Variants in NOS1 observed in about 807,000 individuals in gnomAD.
The protein encoded by NOS1 is NOS type I.
Under a neutral mutation model 164.5 loss-of-function variants are expected in NOS1, and 51 were observed. The ratio of observed to expected loss-of-function variants is 0.31; its 90% confidence interval spans 0.25 to 0.39. The LOEUF is 0.39. NOS1 is among the 10% of genes least tolerant of loss of function. The pLI is 1.00. For missense variants in NOS1, 1,362 were observed against 1,885.6 expected (o/e 0.72, Z 5.14); for synonymous variants, 719 against 745.8 (o/e 0.96, Z 0.59).
At position 117,214,476 on chromosome 12, in the gene NOS1, G is replaced by A; in HGVS notation, c.*833C>T. ...TCAAGTGATTCTAGCTGGTATGGGT[G>A]GGTTTGGGGAGGGGATTTGCACAAT... On this transcript the variant is annotated 3_prime_UTR_variant, in exon 29 of 29. Coordinates refer to ENST00000317775, the MANE Select transcript of NOS1 (RefSeq NM_000620.5). The A allele has an allele frequency of 1.0e-6, 1 of 985,322 alleles. No individual in the cohort carries two copies. The highest frequency in any genetic ancestry group is 1.2e-6 in the Non-Finnish European group (1 of 829,910). 61.0% of individuals were successfully genotyped at this position (985,322 alleles called of 1,614,324 possible). A position where few individuals can be genotyped will look rare whatever the true frequency, so the allele number is the denominator to read the frequency against.
At chr12:117,314,895 C>G (rs1308781978) in intron 2 of NOS1, among the ~76,000 whole-genome samples, 1 of 152,180 alleles carries the variant, frequency 6.6e-6, no homozygotes, top group Non-Finnish European at 1.5e-5. Flanking sequence ...GAGATCCTTC[C>G]TTTTTTAAAA....
chr12:117,353,919 G>A (rs1034987944), intron 1 of NOS1, among the ~76,000 whole-genome samples: 1 of 152,162 alleles, frequency 6.6e-6, no homozygotes, highest in African/African-American at 2.4e-5. Context: ...GGGCAACATG[G>A]TGAGAATCCA....
At chr12:117,269,224 A>G (rs1322558387) in intron 10 of NOS1, among the ~76,000 whole-genome samples, 1 of 152,156 alleles carries the variant, frequency 6.6e-6, no homozygotes, top group Non-Finnish European at 1.5e-5. Context: ...ATATTCGCAG[A>G]TCTGGGGAGA....
intron 1 of NOS1, among the ~76,000 whole-genome samples, chr12:117,353,961 A>G (rs1374156064): frequency 6.6e-6 from 1 of 152,166 alleles, no homozygotes; most frequent in Non-Finnish European, 1.5e-5. Flanking sequence ...ACAACAATGA[A>G]AAAACCAATG....
Position 117,330,469 on chromosome 12 carries a change from C to T in NOS1, c.601G>A (p.Glu201Lys). 1 of 1,614,206 alleles carries T rather than the reference C, an allele frequency of 6.2e-7. No homozygotes were observed. Among genetic ancestry groups the T allele is most frequent in the Non-Finnish European group, 8.5e-7 (1 of 1,180,036 alleles). Residue 201 changes from glutamate to lysine, a missense_variant, in exon 2 of 29, where the codon GAG (glutamate) becomes AAG (lysine). By Grantham distance (56) the Glu-to-Lys change is moderately conservative (BLOSUM62 1). Transcript: ENST00000317775. This position sits in a 1 kb window ranked among gnomAD's most constrained non-coding sequence, Gnocchi z 4.6. Reference sequence around the variant, plus strand: ...ATCTCCTTGAGCAGTTCATTGTTCTCCCCTCTGCCTTGGAGGCTGACTCTG... The same window carrying T: ...ATCTCCTTGAGCAGTTCATTGTTCTTCCCTCTGCCTTGGAGGCTGACTCTG... ...ATRVSLQGRG[E>K]NNELLKEIEP...
At chr12:117,273,232 T>C (rs1171463254) in intron 9 of NOS1, among the ~76,000 whole-genome samples, 1 of 152,164 alleles carries the variant, frequency 6.6e-6, no homozygotes, top group Non-Finnish European at 1.5e-5. Context: ...CTTGAGATCA[T>C]AAGCACCGTG....
Position 117,208,152 on chromosome 12 carries a change from T to G in NOS1, c.*7157A>C. On this transcript the variant is annotated 3_prime_UTR_variant, in exon 29 of 29. Coordinates refer to ENST00000317775, the MANE Select transcript of NOS1 (RefSeq NM_000620.5). Reference sequence around the variant, plus strand: ...CAGCAGCCAGCCAAGTTGAATCCACTTTTTAATATTGTAACCATAATGCAA... The same window carrying G: ...CAGCAGCCAGCCAAGTTGAATCCACGTTTTAATATTGTAACCATAATGCAA... 1.3e-6 allele frequency: 1 copy of G among 782,826 alleles called. No homozygotes were observed. The highest frequency in any genetic ancestry group is 1.8e-6 in the Non-Finnish European group (1 of 571,130). The allele number at this position is 782,826 out of a possible 1,614,324, so 48.5% of individuals were successfully genotyped here.
rs964837246 is a variant in NOS1 at position 117,312,364 on chromosome 12, T to C, written c.726-772A>G. Among the ~76,000 whole-genome samples the C allele has an allele frequency of 2.0e-5, 3 of 152,186 alleles. No homozygotes were observed. The South Asian group carries it at 6.2e-4, about 32-fold the overall frequency. On this transcript the variant is annotated intron_variant, in intron 2 of 28. Coordinates refer to ENST00000317775, the MANE Select transcript of NOS1 (RefSeq NM_000620.5). ...GATTACAGGCGTGAGCCACCATGCCTGGCCATGTGTTTTAGTGCATTTAAC... is the reference window on the plus strand; with the variant it reads ...GATTACAGGCGTGAGCCACCATGCCCGGCCATGTGTTTTAGTGCATTTAAC...
chr12:117,283,308 C>A (rs1219554224), intron 7 of NOS1, among the ~76,000 whole-genome samples: 1 of 152,152 alleles, frequency 6.6e-6, no homozygotes, highest in Non-Finnish European at 1.5e-5. Context: ...GTGATCCATT[C>A]ACCTTGGCCT....
Position 117,268,082 on chromosome 12 carries a change from C to T in NOS1, c.1902G>A (p.Ala634=), listed in dbSNP as rs750444386. Residue 634 remains alanine (A), a synonymous_variant, in exon 11 of 29, where the codon GCG becomes GCA. Transcript: ENST00000317775. ...RKTSSLWKDQ[A]LVEINIAVLY... ...GAACCGCGATATTGATCTCCACCAGCGCCTGGTCCTTCCACAGGGAGGACG... is the reference window on the plus strand; with the variant it reads ...GAACCGCGATATTGATCTCCACCAGTGCCTGGTCCTTCCACAGGGAGGACG... The T allele has an allele frequency of 1.2e-4, 201 of 1,613,942 alleles. No individual in the cohort carries two copies. The highest frequency in any genetic ancestry group is 3.3e-4 in the Middle Eastern group (2 of 6,076).
In NOS1 at chr12:117,266,180, T is replaced by A. The variant is rs140879157; in HGVS notation, c.1942-670A>T. 2.5e-3 allele frequency among the ~76,000 whole-genome samples: 377 copies of A among 152,102 alleles called. 3 individuals carry two copies. Among genetic ancestry groups the A allele is most frequent in the African/African-American group, 8.9e-3 (370 of 41,466 alleles). On this transcript the variant is annotated intron_variant, in intron 11 of 28. Transcript: ENST00000317775. ...GTGACATGAGTAAGTTCTTTAGTGG[T>A]GATTTGTGAGATTTTGGTGCACCCA...
rs529300718 is a variant in NOS1 at position 117,211,070 on chromosome 12, C to T, written c.*4239G>A. 1 of 607,824 alleles carries T rather than the reference C, an allele frequency of 1.6e-6. No individual in the cohort carries two copies. Among genetic ancestry groups the T allele is most frequent in the Admixed American group, 6.3e-5 (1 of 15,792 alleles). The allele number at this position is 607,824 out of a possible 1,614,324, so 37.7% of individuals were successfully genotyped here. On this transcript the variant is annotated 3_prime_UTR_variant, in exon 29 of 29. Transcript: ENST00000317775. ...CTCCTGGGCTCAAGCGATCCTCCTT[C>T]CTCAGCCTCCCAGGTAGCTGAGACT...
intron 25 of NOS1, among the ~76,000 whole-genome samples, chr12:117,223,513 G>C (rs947993266): frequency 4.8e-4 from 73 of 151,866 alleles, no homozygotes; most frequent in African/African-American, 1.6e-3. Flanking sequence ...GCCCGCCTTG[G>C]CCTCCCAAAG....
In NOS1 at chr12:117,220,063, C is replaced by A; in HGVS notation, c.4170+12G>T. ...TAGGAAAAGGGACCTGGGAAGTCAG[C>A]CTGTCACTCACCCTCATCCGGCTGA... On this transcript the variant is annotated intron_variant, in intron 27 of 28. Coordinates refer to ENST00000317775, the MANE Select transcript of NOS1 (RefSeq NM_000620.5). The A allele has an allele frequency of 6.3e-7, 1 of 1,593,310 alleles. No individual in the cohort carries two copies. The highest frequency in any genetic ancestry group is 8.6e-7 in the Non-Finnish European group (1 of 1,169,298).
At chr12:117,296,784 G>A (rs1429858517) in intron 3 of NOS1, among the ~76,000 whole-genome samples, 1 of 152,172 alleles carries the variant, frequency 6.6e-6, no homozygotes, top group Non-Finnish European at 1.5e-5. Context: ...GATAATGAAG[G>A]TTAAACAAGA....
chr12:117,210,276 CCTA>C lies in NOS1; in HGVS notation c.*5030_*5032del, dbSNP rs768458165. On this transcript the variant is annotated 3_prime_UTR_variant, in exon 29 of 29. Transcript: ENST00000317775. ...TACAGGCATGAACCACCATGCCTGGCCTACTTTTTGAGCCAAAGAGGACATTTG... is the reference window on the plus strand; with the variant it reads ...TACAGGCATGAACCACCATGCCTGGCCTTTTTGAGCCAAAGAGGACATTTG... The C allele has an allele frequency of 7.1e-6, 7 of 984,982 alleles. No individual in the cohort carries two copies. In the Admixed American group the frequency reaches 3.1e-4, roughly 43 times the overall value. The allele number at this position is 984,982 out of a possible 1,614,324, so 61.0% of individuals were successfully genotyped here.
At chr12:117,343,397 T>A (rs139468380) in intron 1 of NOS1, among the ~76,000 whole-genome samples, 23 of 152,356 alleles carry the variant, frequency 1.5e-4, no homozygotes, top group Admixed American at 6.5e-5. Flanking sequence ...ATTGCAAGAA[T>A]CAACATTTCC....
chr12:117,346,559 G>A (rs182784622), intron 1 of NOS1, among the ~76,000 whole-genome samples: 6 of 152,178 alleles, frequency 3.9e-5, no homozygotes, highest in East Asian at 1.9e-4. Flanking sequence ...AACCACCAGC[G>A]ATGAACATGG....
At chr12:117,253,570 T>G in intron 17 of NOS1, 68 bp downstream of exon 17, 1 of 1,041,350 alleles carries the variant, frequency 9.6e-7, no homozygotes, top group Non-Finnish European at 1.5e-6. Context: ...GCTCACTTTG[T>G]AAGTAGGTCA....
Sources: gnomAD v4.1 joint callset for allele counts (sites outside exome capture counted in the v4.1 genomes callset) on GRCh38, gnomAD v4.1.1 for gene constraint, Gnocchi (gnomAD v3.1) non-coding constraint, MANE v1.5 for transcripts, NCBI Gene and HGNC (gene_info 2026-07-23, HGNC 2026-07-21) for gene names.